B3GALT1: variants seen among roughly 807,000 people sequenced by gnomAD.
The protein encoded by B3GALT1 is UDP-Gal:betaGlcNAc beta 1,3-galactosyltransferase, polypeptide 1.
A neutral mutation model predicts 23.2 loss-of-function variants in B3GALT1; 10 were observed. The ratio of observed to expected loss-of-function variants is 0.43; its 90% confidence interval spans 0.27 to 0.73. The LOEUF (loss-of-function observed/expected upper bound fraction) is 0.73. Ranked by LOEUF, B3GALT1 falls within the 30% of genes least tolerant of loss-of-function variation. The probability of loss-of-function intolerance (pLI) is 0.21; values close to 1 mark genes in which losing one functional copy is unlikely to be tolerated. For missense variants in B3GALT1, 299 were observed against 405.4 expected, an observed-to-expected ratio of 0.74 and a Z score of 2.25; for synonymous variants, 156 against 141.5, an observed-to-expected ratio of 1.10 and a Z score of -0.73.
At chr2:167,295,326 GGTT>G (rs1193271949) in intron 1 of B3GALT1, among the ~76,000 whole-genome samples, 6 of 152,086 alleles carry the variant, frequency 3.9e-5, no homozygotes, top group African/African-American at 1.2e-4. Flanking sequence ...AGTTTGTGGT[GGTT>G]GTTCTATACA....
At chr2:167,581,545 A>G (rs1205378988) in intron 2 of B3GALT1, among the ~76,000 whole-genome samples, 1 of 152,202 alleles carries the variant, frequency 6.6e-6, no homozygotes, top group African/African-American at 2.4e-5. Context: ...TTAAACGGAT[A>G]TATCTGGACA....
At chr2:167,709,685 A>G (rs919305455) in intron 3 of B3GALT1, among the ~76,000 whole-genome samples, 17 of 149,600 alleles carry the variant, frequency 1.1e-4, no homozygotes, top group Non-Finnish European at 2.4e-4. Flanking sequence ...TTGTGTTGTG[A>G]TAAGTGATTT....
At chr2:167,861,617 C>T (rs1690101461) in intron 4 of B3GALT1, among the ~76,000 whole-genome samples, 1 of 152,200 alleles carries the variant, frequency 6.6e-6, no homozygotes, top group Non-Finnish European at 1.5e-5. Flanking sequence ...TCATTCTGTT[C>T]TCAGCTCAGA....
chr2:167,512,596 A>ATATATATATATGTATATATATATGTG (rs766172004), intron 2 of B3GALT1, among the ~76,000 whole-genome samples: 8 of 75,332 alleles, frequency 1.1e-4, no homozygotes, highest in Non-Finnish European at 1.8e-4. Context: ...ATATATGTGT[A>ATATATATATATGTATATATATATGTG]TATATATATA....
At chr2:167,693,300 C>T (rs935257526) in intron 3 of B3GALT1, among the ~76,000 whole-genome samples, 5 of 152,054 alleles carry the variant, frequency 3.3e-5, no homozygotes, top group Non-Finnish European at 5.9e-5. Context: ...GCAGATGTTG[C>T]ACCAGATGCC....
At chr2:167,367,115 A>G (rs1246196438) in intron 1 of B3GALT1, among the ~76,000 whole-genome samples, 4 of 152,222 alleles carry the variant, frequency 2.6e-5, no homozygotes, top group Non-Finnish European at 5.9e-5. Flanking sequence ...CTGAGTTTAG[A>G]ATATTCTGAT....
intron 3 of B3GALT1, among the ~76,000 whole-genome samples, chr2:167,762,145 A>T (rs532889074): frequency 4.6e-5 from 7 of 152,330 alleles, no homozygotes; most frequent in African/African-American, 1.7e-4. Context: ...TAAAAAGTGA[A>T]CACCCAGGAG....
chr2:167,370,379 T>C (rs979189017), intron 1 of B3GALT1, among the ~76,000 whole-genome samples: 3 of 48,932 alleles, frequency 6.1e-5, no homozygotes, highest in Non-Finnish European at 1.7e-4. Context: ...AAGAGTTTCT[T>C]TGATGATTTC....
intron 1 of B3GALT1, among the ~76,000 whole-genome samples, chr2:167,435,888 A>C (rs1329470513): frequency 1.3e-5 from 2 of 151,638 alleles, no homozygotes; most frequent in African/African-American, 4.8e-5. Flanking sequence ...TTTGGTGGGT[A>C]TGAATTTCTC....
chr2:167,513,922 C>T (rs981245834), intron 2 of B3GALT1, among the ~76,000 whole-genome samples: 1 of 151,748 alleles, frequency 6.6e-6, no homozygotes, highest in Non-Finnish European at 1.5e-5. Context: ...ATTTATTTTT[C>T]TTGAGACAGA....
rs181350643 is a variant in B3GALT1, at chr2:167,660,292, T to G, written c.-352+13326T>G. On this transcript the variant is annotated intron_variant, in intron 3 of 4. Coordinates refer to ENST00000392690, the MANE Select transcript of B3GALT1 (RefSeq NM_020981.4). The stretch of plus-strand genomic sequence containing the variant: ...TTGCCCTCTTTCTTGCTTGTGTGGC[T>G]CTCCACTTTATGGAAATGGGAATAG... 3.7e-3 allele frequency among the ~76,000 whole-genome samples: 568 copies of G among 152,040 alleles called. 1 individual carries two copies. Among genetic ancestry groups the G allele is most frequent in the African/African-American group, 0.013 (535 of 41,528 alleles).
intron 1 of B3GALT1, among the ~76,000 whole-genome samples, chr2:167,364,691 G>T (rs1697559417): frequency 6.6e-6 from 1 of 152,156 alleles, no homozygotes; most frequent in African/African-American, 2.4e-5. Flanking sequence ...TGGCTGCATA[G>T]TATTCCATGG....
rs75657330 is a variant in B3GALT1, at chr2:167,388,710, C to T, written c.-511+95376C>T. Among the ~76,000 whole-genome samples, 521 of 152,266 alleles carry T rather than the reference C, an allele frequency of 3.4e-3. 3 individuals are homozygous for T. The highest frequency in any genetic ancestry group is 0.012 in the African/African-American group (501 of 41,538). The stretch of plus-strand genomic sequence containing the variant: ...AAAGACTTAATGCTTCGCCTCACCC[C>T]AGGTCAATTAAATCAAAGTCCCTGG... On this transcript the variant is annotated intron_variant, in intron 1 of 4. Transcript: ENST00000392690.
intron 1 of B3GALT1, among the ~76,000 whole-genome samples, chr2:167,351,045 G>A (rs951632888): frequency 6.6e-6 from 1 of 152,142 alleles, no homozygotes; most frequent in African/African-American, 2.4e-5. Context: ...GAGGCAGGTG[G>A]ATCATTTGAG....
chr2:167,336,989 A>G lies in B3GALT1; in HGVS notation c.-511+43655A>G, dbSNP rs1697067236. ...AAACAACAGAACTTCTGCAGTTCCC[A>G]TTCAGCTGTCCGAGGATTACATGCC... On this transcript the variant is annotated intron_variant, in intron 1 of 4. Transcript: ENST00000392690. Among the ~76,000 whole-genome samples the G allele has an allele frequency of 3.9e-5, 6 of 152,192 alleles. No individual in the cohort carries two copies. In the South Asian group the frequency reaches 1.2e-3, roughly 32 times the overall value.
chr2:167,399,459 A>G (rs754560589), intron 1 of B3GALT1, among the ~76,000 whole-genome samples: 9 of 152,108 alleles, frequency 5.9e-5, no homozygotes, highest in Non-Finnish European at 7.4e-5. Flanking sequence ...TTTAGCATCA[A>G]GTCCAGATGG....
intron 1 of B3GALT1, among the ~76,000 whole-genome samples, chr2:167,371,151 C>T (rs1012992541): frequency 2.0e-5 from 3 of 151,422 alleles, no homozygotes; most frequent in East Asian, 1.9e-4. Context: ...AATATCAGAG[C>T]TTCTTTACAA....
At chr2:167,536,360 G>A (rs559175309) in intron 2 of B3GALT1, among the ~76,000 whole-genome samples, 4 of 152,090 alleles carry the variant, frequency 2.6e-5, no homozygotes, top group African/African-American at 4.8e-5. Context: ...AGAGAAAGAC[G>A]TGGAAATAAT....
chr2:167,787,696 G>T (rs949150727), intron 3 of B3GALT1, among the ~76,000 whole-genome samples: 1 of 152,188 alleles, frequency 6.6e-6, no homozygotes, highest in Non-Finnish European at 1.5e-5. Flanking sequence ...CCAGGACAGG[G>T]CATGCTGCCC....
Sources: allele counts gnomAD v4.1 joint callset (sites outside exome capture counted in the v4.1 genomes callset), GRCh38; gene constraint gnomAD v4.1.1; transcripts MANE v1.5; gene names NCBI Gene and HGNC (gene_info 2026-07-23, HGNC 2026-07-21).